The following MAP3K12 variants were observed in gnomAD, a reference collection of about 807,000 sequenced individuals.
MAP3K12 encodes mitogen-activated protein kinase kinase kinase 12.
Under a neutral mutation model 87.5 loss-of-function variants are expected in MAP3K12, and 14 were observed. The ratio of observed to expected loss-of-function variants is 0.16; its 90% CI spans 0.11 to 0.25. The LOEUF (loss-of-function observed/expected upper bound fraction) is 0.25, where lower values mean the gene tolerates loss of function less well. Among genes scored for constraint, MAP3K12 ranks in the 10% least tolerant of loss-of-function variants. The pLI, the probability that MAP3K12 is intolerant of heterozygous loss-of-function variation, is 1.00. For missense variants in MAP3K12, 802 were observed against 1,140.4 expected (o/e 0.70, Z 4.27); for synonymous variants, 469 against 452.5 (o/e 1.04, Z -0.46).
rs759415295 is a variant in MAP3K12, at chr12:53,482,320, A to G, written c.2288T>C (p.Val763Ala). ...EEEEGEVDSE[V>A]ELTSSQRWPQ... ...TTACCTCTGGCTTGATGTCAGCTCT[A>G]CTTCACTGTCTACCTCTCCTTCCTC... Residue 763 changes from valine to alanine, a missense_variant, in exon 12 of 14, where the codon GTA becomes GCA. Val to Ala is a moderately conservative substitution (Grantham distance 64). This residue lies in a region of MAP3K12 where 490 missense variants were observed against 496.6 expected (regional missense o/e 0.99). Transcript: ENST00000547488. 21 of 1,613,842 alleles carry G rather than the reference A, an allele frequency of 1.3e-5. No individual in the cohort carries two copies. Among genetic ancestry groups the G allele is most frequent in the Admixed American group, 6.7e-5 (4 of 60,008 alleles).
At chr12:53,500,540 G>C (rs906324112), upstream of MAP3K12, 1 of 152,512 alleles carries the variant, frequency 6.6e-6, no homozygotes, top group African/African-American at 2.4e-5. Flanking sequence ...CCTGAAGGGA[G>C]GTGAAGGACG....
Position 53,485,314 on chromosome 12 carries a change from C to T in MAP3K12, c.980+3G>A. ...TCTTCTCAGTTTTCAGCCTAGTTCT[C>T]ACCAGATGTCGACCTTCTCAGACAC... On this transcript the variant is annotated splice_donor_region_variant and intron_variant, in intron 5 of 13. Transcript: ENST00000547488. 1 of 1,613,002 alleles carries T rather than the reference C, an allele frequency of 6.2e-7. No homozygotes were observed.
rs149387818 is a variant in MAP3K12, at chr12:53,498,590, C to G, written c.-38+837G>C. Among the ~76,000 whole-genome samples, 291 of 152,216 alleles carry G rather than the reference C, an allele frequency of 1.9e-3. 1 individual carries two copies. Among genetic ancestry groups the G allele is most frequent in the African/African-American group, 6.8e-3 (282 of 41,520 alleles). On this transcript the variant is annotated intron_variant, in intron 1 of 13. Coordinates refer to ENST00000547488, the MANE Select transcript of MAP3K12 (RefSeq NM_001193511.2). ...TCCTCTCAGTCAAGGCCTTGGTTACCAGCAAGTCTCAACTCTTGTTTATTT... is the reference window on the plus strand; with the variant it reads ...TCCTCTCAGTCAAGGCCTTGGTTACGAGCAAGTCTCAACTCTTGTTTATTT...
At chr12:53,493,726 GT>G (rs1236580493) in intron 1 of MAP3K12, 1 of 152,162 alleles carries the variant, frequency 6.6e-6, no homozygotes, top group Non-Finnish European at 1.5e-5. Context: ...TTTTTCAGCC[GT>G]CATCTGGTTG....
rs1942937707 is a variant in MAP3K12 at position 53,479,765 on chromosome 12, A to G, written c.*1417T>C. 1.1e-5 allele frequency: 2 copies of G among 190,270 alleles called. No individual in the cohort carries two copies. Among genetic ancestry groups the G allele is most frequent in the African/African-American group, 2.4e-5 (1 of 40,874 alleles). 11.8% of individuals were successfully genotyped at this position (190,270 alleles called of 1,614,324 possible). A position where few individuals can be genotyped will look rare whatever the true frequency, so the allele number is the denominator to read the frequency against. ...TCAGTTTAGTTCTGTAATGTCAGGA[A>G]TTTTTCAAAAAAATTAAAAGATGGA... On this transcript the variant is annotated 3_prime_UTR_variant, in exon 14 of 14. Transcript: ENST00000547488.
intron 6 of MAP3K12, 61 bp downstream of exon 6, chr12:53,484,995 C>T: frequency 6.2e-7 from 1 of 1,601,398 alleles, no homozygotes; most frequent in Non-Finnish European, 8.5e-7. Flanking sequence ...TCAGTCCAGC[C>T]CAGTACTACC....
In MAP3K12 at chr12:53,485,290, C is replaced by A. The variant is rs762116799; in HGVS notation, c.980+27G>T. Reference sequence around the variant, plus strand: ...ATCCCCCCAGGGCTGGCCACCCACTCTTCTCAGTTTTCAGCCTAGTTCTCA... The same window carrying A: ...ATCCCCCCAGGGCTGGCCACCCACTATTCTCAGTTTTCAGCCTAGTTCTCA... On this transcript the variant is annotated intron_variant, in intron 5 of 13. Transcript: ENST00000547488. 5.6e-6 allele frequency: 9 copies of A among 1,607,648 alleles called. No individual in the cohort carries two copies. In the African/African-American group the frequency reaches 9.4e-5, roughly 17 times the overall value.
chr12:53,499,397 C>T (rs1054301141), intron 1 of MAP3K12, 30 bp downstream of exon 1: 6 of 151,130 alleles, frequency 4.0e-5, no homozygotes, highest in African/African-American at 1.2e-4. Context: ...CCCTGCCCCC[C>T]ACCCCCCCAC....
upstream of MAP3K12, chr12:53,501,272 C>G (rs1036730656): frequency 5.7e-6 from 5 of 880,176 alleles, no homozygotes; most frequent in African/African-American, 1.7e-5. Flanking sequence ...GGGCGGGGGA[C>G]TCCATATCCC....
chr12:53,486,930 A>G lies in MAP3K12; in HGVS notation c.445+17T>C, dbSNP rs1943242635. ...TCAGGGAAACAGAGAGGAGGCTCCC[A>G]CAAGGACGTGGCCTACCTTCCTGCT... On this transcript the variant is annotated intron_variant, in intron 2 of 13. Coordinates refer to ENST00000547488, the MANE Select transcript of MAP3K12 (RefSeq NM_001193511.2). This position sits in a 1 kb window ranked among gnomAD's most constrained non-coding sequence, Gnocchi z 4.9. 1.2e-6 allele frequency: 2 copies of G among 1,609,694 alleles called. No individual in the cohort carries two copies. The highest frequency in any genetic ancestry group is 1.7e-6 in the Non-Finnish European group (2 of 1,176,496).
At position 53,486,283 on chromosome 12, in the gene MAP3K12, G is replaced by A. The variant is rs769729947; in HGVS notation, c.630-36C>T. ...AACAATGGTATGAAGGCCTCAGCTG[G>A]CTCAGCATTCACCTGATTCATACCT... On this transcript the variant is annotated intron_variant, in intron 3 of 13. Transcript: ENST00000547488. This position sits in a 1 kb window ranked among gnomAD's most constrained non-coding sequence, Gnocchi z 4.9. 2.9e-5 allele frequency: 46 copies of A among 1,568,458 alleles called. No individual in the cohort carries two copies. The highest frequency in any genetic ancestry group is 3.8e-5 in the Non-Finnish European group (44 of 1,154,762).
At chr12:53,491,376 T>G (rs1391913462) in intron 1 of MAP3K12, among the ~76,000 whole-genome samples, 1 of 151,464 alleles carries the variant, frequency 6.6e-6, no homozygotes, top group East Asian at 1.9e-4. Flanking sequence ...CTTTGCATAT[T>G]TAATCCTCAA....
chr12:53,486,679 G>A lies in MAP3K12; in HGVS notation c.446-57C>T. The stretch of plus-strand genomic sequence containing the variant: ...CAGAAAGAGCCACACTCAAGGCCAG[G>A]GACAGGATAGCATTGGGTTGGCTGA... On this transcript the variant is annotated intron_variant, in intron 2 of 13. Coordinates refer to ENST00000547488, the MANE Select transcript of MAP3K12 (RefSeq NM_001193511.2). This position sits in a 1 kb window ranked among gnomAD's most constrained non-coding sequence, Gnocchi z 4.9. 1 of 1,504,350 alleles carries A rather than the reference G, an allele frequency of 6.6e-7. No individual in the cohort carries two copies. Among genetic ancestry groups the A allele is most frequent in the Non-Finnish European group, 8.9e-7 (1 of 1,129,504 alleles). The allele number at this position is 1,504,350 out of a possible 1,614,324, so 93.2% of individuals were successfully genotyped here. A position where few individuals can be genotyped will look rare whatever the true frequency, so the allele number is the denominator to read the frequency against.
chr12:53,495,240 G>A (rs1419603286), intron 1 of MAP3K12, among the ~76,000 whole-genome samples: 1 of 148,306 alleles, frequency 6.7e-6, no homozygotes, highest in Non-Finnish European at 1.5e-5. Context: ...TCGGGAGGCT[G>A]AGGCAGGAGA....
At position 53,481,946 on chromosome 12, in the gene MAP3K12, C is replaced by G. The variant is rs763037253; in HGVS notation, c.2575G>C (p.Glu859Gln). The G allele has an allele frequency of 6.2e-6, 10 of 1,611,760 alleles. No individual in the cohort carries two copies. Among genetic ancestry groups the G allele is most frequent in the Non-Finnish European group, 8.5e-6 (10 of 1,178,010 alleles). The change falls in exon 13 of 14, where the codon GAG becomes CAG. Residue 859 changes from glutamate (E) to glutamine (Q), a missense_variant. By Grantham distance (29) the Glu-to-Gln change is conservative (BLOSUM62 2). Coordinates refer to ENST00000547488, the MANE Select transcript of MAP3K12 (RefSeq NM_001193511.2). ...LPIPHQELLRERGPPNSEDSD... is the reference protein window; with the variant it reads ...LPIPHQELLRQRGPPNSEDSD... ...TTTGCTGTTGTGCCACTCACCCGCTCTCTGAGAAGTTCCTGGTGTGGAATG... is the reference window on the plus strand; with the variant it reads ...TTTGCTGTTGTGCCACTCACCCGCTGTCTGAGAAGTTCCTGGTGTGGAATG...
At position 53,487,090 on chromosome 12, in the gene MAP3K12, C is replaced by T. The variant is rs920931759; in HGVS notation, c.302G>A (p.Arg101Gln). 7.4e-6 allele frequency: 12 copies of T among 1,613,918 alleles called. No individual in the cohort carries two copies. Among genetic ancestry groups the T allele is most frequent in the African/African-American group, 4.0e-5 (3 of 74,916 alleles). ...PGGAAGSPESRASRVRADEVR... is the reference protein window; with the variant it reads ...PGGAAGSPESQASRVRADEVR... Reference sequence around the variant, plus strand: ...CTCGTCAGCTCGAACTCTGGATGCCCGACTCTCAGGTGACCCAGCTGCTCC... The same window carrying T: ...CTCGTCAGCTCGAACTCTGGATGCCTGACTCTCAGGTGACCCAGCTGCTCC... The change falls in exon 2 of 14, where the codon CGG becomes CAG. Residue 101 changes from arginine to glutamine, a missense_variant. By Grantham distance (43) the Arg-to-Gln change is conservative. This residue lies in a region of MAP3K12 where 135 missense variants were observed against 151.6 expected (regional missense o/e 0.89). Coordinates refer to ENST00000547488, the MANE Select transcript of MAP3K12 (RefSeq NM_001193511.2).
chr12:53,493,257 G>A (rs1297250622), intron 1 of MAP3K12, among the ~76,000 whole-genome samples: 1 of 152,098 alleles, frequency 6.6e-6, no homozygotes, highest in Non-Finnish European at 1.5e-5. Flanking sequence ...ACCTGGGCCG[G>A]CCCAGGTGGC....
intron 1 of MAP3K12, among the ~76,000 whole-genome samples, chr12:53,491,506 T>A (rs1330153303): frequency 1.3e-5 from 2 of 149,204 alleles, no homozygotes; most frequent in African/African-American, 4.9e-5. Context: ...CGATCTCCGC[T>A]CACTGCAAGC....
chr12:53,483,369 C>T lies in MAP3K12; in HGVS notation c.1593G>A (p.Lys531=), dbSNP rs772675466. 10 of 1,614,012 alleles carry T rather than the reference C, an allele frequency of 6.2e-6. 1 individual carries two copies. In the South Asian group the frequency reaches 1.1e-4, roughly 18 times the overall value. ...CCCACCTTTTGCTATGGGGTGACAG[C>T]TTCTGTGGCACATTCCTCTTCTTGA... ...KLIKKRNVPQ[K]LSPHSKRPDI... is the part of the protein sequence containing the mutation. The change falls in exon 10 of 14, where the codon AAG becomes AAA. Residue 531 remains lysine, a synonymous_variant. Coordinates refer to ENST00000547488, the MANE Select transcript of MAP3K12 (RefSeq NM_001193511.2).
Sources: allele counts gnomAD v4.1 joint callset (sites outside exome capture counted in the v4.1 genomes callset), GRCh38; gene constraint gnomAD v4.1.1; regional missense constraint gnomAD v4.1.1; non-coding constraint Gnocchi (gnomAD v3.1); transcripts MANE v1.5; gene names NCBI Gene and HGNC (gene_info 2026-07-23, HGNC 2026-07-21).